Variants in PAK1 observed in about 807,000 individuals in gnomAD.
PAK1 encodes serine/threonine-protein kinase PAK 1.
In PAK1, 29 loss-of-function variants were observed where a neutral mutation model predicts 67.4. That is an observed-to-expected ratio of 0.43 (90% CI 0.32 to 0.59). The LOEUF is 0.59. PAK1 is among the 20% of genes least tolerant of loss of function. The probability of loss-of-function intolerance (pLI) is 0.07; values close to 1 mark genes in which losing one functional copy is unlikely to be tolerated. For synonymous variants in PAK1, 223 were observed against 237.4 expected (o/e 0.94, Z 0.56); for missense variants, 337 against 670.7 (o/e 0.50, Z 5.50).
chr11:77,373,753 T>C (rs1948743369), intron 5 of PAK1, among the ~76,000 whole-genome samples: 1 of 152,104 alleles, frequency 6.6e-6, no homozygotes, highest in South Asian at 2.1e-4. Flanking sequence ...TTCTATAACA[T>C]CCATTTGAGT....
intron 11 of PAK1, among the ~76,000 whole-genome samples, chr11:77,338,716 T>C (rs1943117813): frequency 6.6e-6 from 1 of 152,158 alleles, no homozygotes; most frequent in African/African-American, 2.4e-5. Flanking sequence ...ACAACCCAAA[T>C]GTCCATTCTA....
At chr11:77,496,066 T>C in the PAK1 span, among the ~76,000 whole-genome samples, 1 of 150,686 alleles carries the variant, frequency 6.6e-6, no homozygotes, top group Non-Finnish European at 1.5e-5. Context: ...GTCGCCAGGC[T>C]GGAGTGCAGT....
intron 14 of PAK1, chr11:77,329,082 A>C (rs1940789037): frequency 6.6e-6 from 1 of 152,268 alleles, no homozygotes; most frequent in South Asian, 2.1e-4. Context: ...AGACTAAACC[A>C]GGAAGAAGCT....
chr11:77,415,317 G>A (rs1954886715), intron 1 of PAK1, among the ~76,000 whole-genome samples: 1 of 152,184 alleles, frequency 6.6e-6, no homozygotes, highest in African/African-American at 2.4e-5. Context: ...AGACAGTTTA[G>A]GAATTTCTTA....
chr11:77,399,456 CCT>C (rs1213985744), intron 1 of PAK1, among the ~76,000 whole-genome samples: 1 of 152,230 alleles, frequency 6.6e-6, no homozygotes, highest in African/African-American at 2.4e-5. Context: ...ATTAGAATCC[CCT>C]GTGAGCTTTT....
the PAK1 span, among the ~76,000 whole-genome samples, chr11:77,519,254 G>C: frequency 6.6e-6 from 1 of 152,084 alleles, no homozygotes. Flanking sequence ...GTATCTCCCA[G>C]CTCTACCCCA....
chr11:77,436,863 A>C (rs17135665), intron 1 of PAK1, among the ~76,000 whole-genome samples: 2,757 of 152,326 alleles, frequency 0.018, 131 homozygotes, highest in East Asian at 0.17. Flanking sequence ...CCTGCTTCTT[A>C]GTATAGCTGG....
chr11:77,375,106 A>G (rs995049461), intron 4 of PAK1, among the ~76,000 whole-genome samples: 2 of 152,206 alleles, frequency 1.3e-5, no homozygotes, highest in Non-Finnish European at 2.9e-5. Context: ...ACCATTGTAT[A>G]TGCGGTCTGT....
At chr11:77,433,236 T>C (rs2852384) in intron 1 of PAK1, among the ~76,000 whole-genome samples, 37,300 of 152,112 alleles carry the variant, frequency 0.25, 5,660 homozygotes, top group South Asian at 0.46. Context: ...GCTAAAAGTA[T>C]AAAACTCTCA....
rs1951258509 is a variant in PAK1 at position 77,392,480 on chromosome 11, G to A, written c.41C>T (p.Ala14Val). 6.2e-7 allele frequency: 1 copy of A among 1,613,416 alleles called. No homozygotes were observed. The highest frequency in any genetic ancestry group is 1.3e-5 in the African/African-American group (1 of 74,984). The change falls in exon 2 of 15, where the codon GCC becomes GTC. Residue 14 changes from alanine to valine, a missense_variant. Coordinates refer to ENST00000356341, the MANE Select transcript of PAK1 (RefSeq NM_002576.5). Reference sequence around the variant, plus strand: ...AGTGCTGGTATTTCTCATCGGAGGGGCTGGGGGTTTGTCTTGAATGTCTAG... The same window carrying A: ...AGTGCTGGTATTTCTCATCGGAGGGACTGGGGGTTTGTCTTGAATGTCTAG... ...NGLDIQDKPP[A>V]PPMRNTSTMI...
At chr11:77,484,401 G>T in the PAK1 span, among the ~76,000 whole-genome samples, 5 of 152,228 alleles carry the variant, frequency 3.3e-5, no homozygotes, top group Middle Eastern at 3.4e-3. Context: ...ATACCCCCTC[G>T]GGTGGATGTG....
Position 77,337,304 on chromosome 11 carries a change from T to C in PAK1, c.1216+20A>G. ...CCCCACAGGCAGAGAAGTATTATCA[T>C]TCCTAAGGCTCCTACTTACTTAGCT... On this transcript the variant is annotated intron_variant, in intron 12 of 14. Transcript: ENST00000356341. 1 of 1,315,544 alleles carries C rather than the reference T, an allele frequency of 7.6e-7. No individual in the cohort carries two copies. Among genetic ancestry groups the C allele is most frequent in the Non-Finnish European group, 1.1e-6 (1 of 912,154 alleles). The allele number at this position is 1,315,544 out of a possible 1,614,324, so 81.5% of individuals were successfully genotyped here. A position where few individuals can be genotyped will look rare whatever the true frequency, so the allele number is the denominator to read the frequency against.
chr11:77,350,849 C>G (rs931746606), intron 8 of PAK1, among the ~76,000 whole-genome samples: 5 of 152,074 alleles, frequency 3.3e-5, no homozygotes, highest in Non-Finnish European at 7.4e-5. Context: ...GCCTGATTAT[C>G]CTGCCCCTAG....
At chr11:77,527,019 C>T in the PAK1 span, among the ~76,000 whole-genome samples, 1 of 151,964 alleles carries the variant, frequency 6.6e-6, no homozygotes, top group African/African-American at 2.4e-5. Flanking sequence ...GTTTCATACA[C>T]TCTGGATTAT....
At chr11:77,518,952 C>T in the PAK1 span, among the ~76,000 whole-genome samples, 3 of 152,122 alleles carry the variant, frequency 2.0e-5, no homozygotes, top group African/African-American at 7.2e-5. Flanking sequence ...ATATTTGCTT[C>T]ATGTATCCCT....
At chr11:77,501,984 G>A in the PAK1 span, among the ~76,000 whole-genome samples, 2 of 107,588 alleles carry the variant, frequency 1.9e-5, no homozygotes, top group Non-Finnish European at 4.9e-5. Context: ...CCTTCTCTGA[G>A]CTGGGAATCT....
At chr11:77,382,609 C>G (rs979295828) in intron 2 of PAK1, among the ~76,000 whole-genome samples, 1 of 152,136 alleles carries the variant, frequency 6.6e-6, no homozygotes, top group Non-Finnish European at 1.5e-5. Flanking sequence ...ATGTAAGCTT[C>G]TTGAGGACCA....
chr11:77,506,365 C>T, the PAK1 span, among the ~76,000 whole-genome samples: 1 of 152,146 alleles, frequency 6.6e-6, no homozygotes, highest in Non-Finnish European at 1.5e-5. Flanking sequence ...CAAAAAATTG[C>T]CCAAGGTCAT....
chr11:77,409,721 T>C (rs1954216011), intron 1 of PAK1, among the ~76,000 whole-genome samples: 1 of 151,920 alleles, frequency 6.6e-6, no homozygotes, highest in African/African-American at 2.4e-5. Flanking sequence ...CTCACTCATA[T>C]GTAGGAGGTA....
Sources: allele counts gnomAD v4.1 joint callset (sites outside exome capture counted in the v4.1 genomes callset), GRCh38; gene constraint gnomAD v4.1.1; transcripts MANE v1.5; gene names NCBI Gene and HGNC (gene_info 2026-07-23, HGNC 2026-07-21).